RAD54L2: variants seen among roughly 807,000 people sequenced by gnomAD.
RAD54L2 encodes RAD54 like 2, also known as helicase ARIP4.
In RAD54L2, 27 loss-of-function variants were observed where a neutral mutation model predicts 138.4. The observed-to-expected ratio is 0.20, with a 90% CI of 0.14 to 0.27. The LOEUF (loss-of-function observed/expected upper bound fraction) is 0.27, where lower values mean the gene tolerates loss of function less well. Ranked by LOEUF, RAD54L2 falls within the 10% of genes least tolerant of loss-of-function variation. The pLI, the probability that RAD54L2 is intolerant of heterozygous loss-of-function variation, is 1.00. For missense variants in RAD54L2, 1,396 were observed against 1,890.2 expected (o/e 0.74, Z 4.85); for synonymous variants, 644 against 723.2 (o/e 0.89, Z 1.76).
chr3:51,591,175 C>T (rs1487351486), intron 3 of RAD54L2, among the ~76,000 whole-genome samples: 2 of 152,158 alleles, frequency 1.3e-5, no homozygotes, highest in Non-Finnish European at 2.9e-5. Flanking sequence ...TTGCTCAGCT[C>T]ACTCCTTCCT....
chr3:51,580,145 G>A (rs1699575212), intron 2 of RAD54L2, among the ~76,000 whole-genome samples: 1 of 152,158 alleles, frequency 6.6e-6, no homozygotes, highest in Admixed American at 6.5e-5. Flanking sequence ...AGTAACTTCT[G>A]ACTGACCAGC....
At chr3:51,621,148 A>C (rs936930904) in intron 3 of RAD54L2, among the ~76,000 whole-genome samples, 2 of 152,214 alleles carry the variant, frequency 1.3e-5, no homozygotes, top group Non-Finnish European at 2.9e-5. Context: ...TTATGTAAAA[A>C]CCATAATCAT....
Position 51,606,844 on chromosome 3 carries a change from G to A in RAD54L2, c.139+16285G>A, listed in dbSNP as rs1293761594. 8.6e-5 allele frequency among the ~76,000 whole-genome samples: 13 copies of A among 151,594 alleles called. 1 individual carries two copies. Among genetic ancestry groups the A allele is most frequent in the African/African-American group, 3.1e-4 (13 of 41,318 alleles). On this transcript the variant is annotated intron_variant, in intron 3 of 22. Coordinates refer to ENST00000684192, the MANE Select transcript of RAD54L2 (RefSeq NM_015106.4). The stretch of plus-strand genomic sequence containing the variant: ...ATTACAGGCGCCTGCCACACACCTG[G>A]CTAATTTTTGTATTTTTAGTGGAAA...
chr3:51,557,271 C>A (rs1698994448), intron 2 of RAD54L2, among the ~76,000 whole-genome samples: 1 of 140,700 alleles, frequency 7.1e-6, no homozygotes, highest in Admixed American at 8.1e-5. Context: ...GTAGCCTCGA[C>A]TTCCCAGCTC....
At chr3:51,651,273 C>T (rs888159363) in intron 19 of RAD54L2, among the ~76,000 whole-genome samples, 2 of 152,134 alleles carry the variant, frequency 1.3e-5, no homozygotes, top group African/African-American at 4.8e-5. Context: ...ACAACAGGCT[C>T]TGAAATTGAG....
Position 51,662,631 on chromosome 3 carries a change from C to G in RAD54L2, c.3615C>G (p.Pro1205=). 2 of 1,612,634 alleles carry G rather than the reference C, an allele frequency of 1.2e-6. No homozygotes were observed. The highest frequency in any genetic ancestry group is 1.7e-6 in the Non-Finnish European group (2 of 1,179,224). The change falls in exon 23 of 23, where the codon CCC becomes CCG. Residue 1205 remains proline, a synonymous_variant. Transcript: ENST00000684192. The surrounding 1 kb of genome is among the most constrained non-coding windows in gnomAD (Gnocchi z 4.6). ...GCACCAATGCCGCCCTGCCTGGCCC[C>G]CCGGCCCAACTTATGGACAGCAGTG... ...SPSTNAALPG[P]PAQLMDSSAV... is the part of the protein sequence containing the mutation.
At chr3:51,657,775 C>A in intron 21 of RAD54L2, 106 bp downstream of exon 21, 1 of 787,872 alleles carries the variant, frequency 1.3e-6, no homozygotes. Flanking sequence ...TAGGAATCAT[C>A]CCATTAGGAT....
Position 51,663,105 on chromosome 3 carries a change from T to C in RAD54L2, c.4089T>C (p.Thr1363=). ...CCTCTTCCACGGCTACCTCAGTCACTGCCAGCAACCCCTCCTTCATGCTCA... is the reference window on the plus strand; with the variant it reads ...CCTCTTCCACGGCTACCTCAGTCACCGCCAGCAACCCCTCCTTCATGCTCA... ...VSSSSTATSV[T]ASNPSFMLNP... Residue 1363 remains threonine (T), a synonymous_variant, in exon 23 of 23, where the codon ACT becomes ACC. Coordinates refer to ENST00000684192, the MANE Select transcript of RAD54L2 (RefSeq NM_015106.4). The C allele has an allele frequency of 6.2e-7, 1 of 1,613,958 alleles. No individual in the cohort carries two copies. Among genetic ancestry groups the C allele is most frequent in the Non-Finnish European group, 8.5e-7 (1 of 1,179,874 alleles).
At chr3:51,647,562 G>C (rs147317954) in intron 19 of RAD54L2, among the ~76,000 whole-genome samples, 1 of 152,062 alleles carries the variant, frequency 6.6e-6, no homozygotes, top group Non-Finnish European at 1.5e-5. Flanking sequence ...CCAGCTACTC[G>C]GGAGGCTGAG....
chr3:51,646,731 G>T (rs980852905), intron 19 of RAD54L2, among the ~76,000 whole-genome samples: 11 of 152,164 alleles, frequency 7.2e-5, no homozygotes, highest in African/African-American at 2.7e-4. Context: ...GGACACCTGG[G>T]TAGGAGACGG....
At chr3:51,601,458 C>G (rs1405066105) in intron 3 of RAD54L2, among the ~76,000 whole-genome samples, 1 of 152,022 alleles carries the variant, frequency 6.6e-6, no homozygotes, top group African/African-American at 2.4e-5. Flanking sequence ...CACGCACGTG[C>G]CACCACGCCC....
Position 51,638,439 on chromosome 3 carries a change from C to G in RAD54L2, c.1860+118C>G, listed in dbSNP as rs12330534. ...AGAATAAAGTGAGAGGGGGCCACCT[C>G]AGTTCACTGCACTGGAGGTTTGGGG... On this transcript the variant is annotated intron_variant, in intron 12 of 22. Coordinates refer to ENST00000684192, the MANE Select transcript of RAD54L2 (RefSeq NM_015106.4). This position sits in a 1 kb window ranked among gnomAD's most constrained non-coding sequence, Gnocchi z 4.3. The G allele has an allele frequency of 9.4e-3, 11,403 of 1,213,104 alleles. 657 individuals are homozygous for G. The African/African-American group carries it at 0.13, about 14-fold the overall frequency. 75.1% of individuals were successfully genotyped at this position (1,213,104 alleles called of 1,614,324 possible). A position where few individuals can be genotyped will look rare whatever the true frequency, so the allele number is the denominator to read the frequency against.
chr3:51,636,219 G>C (rs2031702954), intron 10 of RAD54L2, among the ~76,000 whole-genome samples: 1 of 152,210 alleles, frequency 6.6e-6, no homozygotes, highest in African/African-American at 2.4e-5. Flanking sequence ...TGTTTTTAGT[G>C]AAAACCATTC....
At chr3:51,579,107 A>G (rs544290579) in intron 2 of RAD54L2, among the ~76,000 whole-genome samples, 19 of 147,700 alleles carry the variant, frequency 1.3e-4, no homozygotes, top group Non-Finnish European at 2.5e-4. Flanking sequence ...GTGACATCCA[A>G]CCGTAGTCTC....
At chr3:51,565,778 T>C (rs1699201290) in intron 2 of RAD54L2, among the ~76,000 whole-genome samples, 1 of 145,030 alleles carries the variant, frequency 6.9e-6, no homozygotes, top group Non-Finnish European at 1.5e-5. Flanking sequence ...CAGACTAAAA[T>C]AGATTTTTCT....
Position 51,613,168 on chromosome 3 carries a change from A to G in RAD54L2, c.140-14385A>G, listed in dbSNP as rs116325276. On this transcript the variant is annotated intron_variant, in intron 3 of 22. Transcript: ENST00000684192. ...CGTTAGCCAGTGTGGTCTCCATCTG[A>G]CCTTGTGATCCACCCGCCTCGGCCT... is the stretch of plus-strand genomic sequence containing the variant. 3.9e-3 allele frequency among the ~76,000 whole-genome samples: 588 copies of G among 151,924 alleles called. 6 individuals carry two copies. Among genetic ancestry groups the G allele is most frequent in the African/African-American group, 0.013 (555 of 41,462 alleles).
Position 51,587,393 on chromosome 3 carries a change from C to T in RAD54L2, c.-54-2974C>T, listed in dbSNP as rs368954819. Among the ~76,000 whole-genome samples the T allele has an allele frequency of 8.5e-5, 13 of 152,294 alleles. No homozygotes were observed. In the South Asian group the frequency reaches 1.0e-3, roughly 12 times the overall value. ...CTGGGATTACAAGCATGAGCAACCACGTCTGGCCGGATAGTCGTTTCTGCA... is the reference window on the plus strand; with the variant it reads ...CTGGGATTACAAGCATGAGCAACCATGTCTGGCCGGATAGTCGTTTCTGCA... On this transcript the variant is annotated intron_variant, in intron 2 of 22. Coordinates refer to ENST00000684192, the MANE Select transcript of RAD54L2 (RefSeq NM_015106.4).
At chr3:51,659,074 T>C (rs999488515) in intron 21 of RAD54L2, among the ~76,000 whole-genome samples, 1 of 150,992 alleles carries the variant, frequency 6.6e-6, no homozygotes, top group Admixed American at 6.6e-5. Flanking sequence ...CTTATAAAGC[T>C]CTTACAAAAA....
At chr3:51,621,602 C>G (rs1577431827) in intron 3 of RAD54L2, among the ~76,000 whole-genome samples, 1 of 152,218 alleles carries the variant, frequency 6.6e-6, no homozygotes, top group South Asian at 2.1e-4. Context: ...TCCCCCCTGC[C>G]CAGCAGATCA....
Sources: gnomAD v4.1 joint callset for allele counts (sites outside exome capture counted in the v4.1 genomes callset) on GRCh38, gnomAD v4.1.1 for gene constraint, Gnocchi (gnomAD v3.1) non-coding constraint, MANE v1.5 for transcripts, NCBI Gene and HGNC (gene_info 2026-07-23, HGNC 2026-07-21) for gene names.